ATP8A2: variants seen among roughly 807,000 people sequenced by gnomAD.
ATP8A2 encodes ATPase phospholipid transporting 8A2, also known as phospholipid-transporting ATPase IB.
A neutral mutation model predicts 165.6 loss-of-function variants in ATP8A2; 100 were observed. That is an observed-to-expected ratio of 0.60 (90% CI 0.51 to 0.71). The LOEUF (loss-of-function observed/expected upper bound fraction) is 0.71. ATP8A2 is among the 30% of genes least tolerant of loss of function. The pLI is 0.00. For synonymous variants in ATP8A2, 543 were observed against 548.8 expected (o/e 0.99, Z 0.15); for missense variants, 1,227 against 1,479.5 (o/e 0.83, Z 2.80).
chr13:25,972,334 A>C (rs895369717), intron 35 of ATP8A2, among the ~76,000 whole-genome samples: 3 of 152,246 alleles, frequency 2.0e-5, no homozygotes, highest in African/African-American at 7.2e-5. Context: ...TCCAAAATCA[A>C]CCTGTGGAAT....
chr13:25,708,780 A>C (rs1406894155), intron 25 of ATP8A2, among the ~76,000 whole-genome samples: 1 of 152,106 alleles, frequency 6.6e-6, no homozygotes, highest in African/African-American at 2.4e-5. Context: ...ACAAATGACA[A>C]AGAGGAATGT....
At chr13:25,903,301 C>A (rs75508005) in intron 33 of ATP8A2, among the ~76,000 whole-genome samples, 1 of 152,048 alleles carries the variant, frequency 6.6e-6, no homozygotes, top group Admixed American at 6.6e-5. Context: ...GCATTTGAAT[C>A]TTTCCTTTCC....
intron 1 of ATP8A2, among the ~76,000 whole-genome samples, chr13:25,413,941 G>A (rs559996174): frequency 9.3e-4 from 141 of 151,912 alleles, no homozygotes; most frequent in African/African-American, 3.3e-3. Context: ...TCAATAGTTG[G>A]TGGCTCTTTT....
chr13:25,746,438 T>A (rs2044033041), intron 25 of ATP8A2, among the ~76,000 whole-genome samples: 1 of 152,238 alleles, frequency 6.6e-6, no homozygotes. Context: ...TGAAGCTGAT[T>A]AAAGAATTTG....
At chr13:25,525,907 T>TAAAA (rs1459887944) in intron 2 of ATP8A2, among the ~76,000 whole-genome samples, 1 of 152,166 alleles carries the variant, frequency 6.6e-6, no homozygotes, top group Non-Finnish European at 1.5e-5. Context: ...TCCTTGCTCT[T>TAAAA]GTTTAACTCC....
chr13:25,480,564 C>T (rs1392900163), intron 2 of ATP8A2, among the ~76,000 whole-genome samples: 6 of 149,908 alleles, frequency 4.0e-5, no homozygotes, highest in South Asian at 2.1e-4. Flanking sequence ...GATGGGCGGC[C>T]GGGCAGAGAC....
At chr13:25,984,070 C>G (rs1015667519) in intron 35 of ATP8A2, among the ~76,000 whole-genome samples, 1 of 151,680 alleles carries the variant, frequency 6.6e-6, no homozygotes, top group Non-Finnish European at 1.5e-5. Flanking sequence ...CCCGTCACTA[C>G]AAAAGTTTTA....
chr13:25,725,991 G>A (rs554984511), intron 25 of ATP8A2, among the ~76,000 whole-genome samples: 1 of 152,292 alleles, frequency 6.6e-6, no homozygotes, highest in South Asian at 2.1e-4. Flanking sequence ...AGAAAGGATA[G>A]GTAACTCAAA....
rs574706909 is a variant in ATP8A2, at chr13:25,437,547, T to A, written c.77-31430T>A. ...AAGTCAGTTTTCAAAGCTTTTGAAG[T>A]TGTGTTAGGTTCAGGAAATCAGTGT... On this transcript the variant is annotated intron_variant, in intron 1 of 36. Coordinates refer to ENST00000381655, the MANE Select transcript of ATP8A2 (RefSeq NM_016529.6). Among the ~76,000 whole-genome samples the A allele has an allele frequency of 1.4e-4, 21 of 152,350 alleles. No individual in the cohort carries two copies. The East Asian group carries it at 1.7e-3, about 13-fold the overall frequency.
At chr13:25,568,842 A>G (rs2039390680) in intron 16 of ATP8A2, among the ~76,000 whole-genome samples, 2 of 152,212 alleles carry the variant, frequency 1.3e-5, no homozygotes, top group Non-Finnish European at 2.9e-5. Context: ...CATGAATATA[A>G]GCATCCATAG....
chr13:25,539,277 T>C (rs1164994239), intron 7 of ATP8A2, among the ~76,000 whole-genome samples: 2 of 152,050 alleles, frequency 1.3e-5, no homozygotes, highest in African/African-American at 4.8e-5. Flanking sequence ...TTAAAAATTT[T>C]TTTGTAGAGG....
chr13:25,977,043 C>CCCCACCCCCACCCCCACT (rs1956062243), intron 35 of ATP8A2, among the ~76,000 whole-genome samples: 1 of 144,166 alleles, frequency 6.9e-6, no homozygotes. Flanking sequence ...CCACCCCCAC[C>CCCCACCCCCACCCCCACT]CCCCTTCCCT....
chr13:25,435,600 A>T (rs1281836273), intron 1 of ATP8A2, among the ~76,000 whole-genome samples: 1 of 152,138 alleles, frequency 6.6e-6, no homozygotes, highest in Non-Finnish European at 1.5e-5. Context: ...AATTGATGGC[A>T]TAAGTTACTT....
In ATP8A2 at chr13:25,638,943, G is replaced by A. The variant is rs978928923; in HGVS notation, c.2211+49244G>A. Among the ~76,000 whole-genome samples the A allele has an allele frequency of 5.3e-5, 8 of 152,278 alleles. No individual in the cohort carries two copies. The South Asian group carries it at 1.0e-3, about 20-fold the overall frequency. ...CTCTACAAGCCAGAAGAGAGTGGGG[G>A]CCAATATTCAACATTCTTAAAGAAA... On this transcript the variant is annotated intron_variant, in intron 24 of 36. Transcript: ENST00000381655.
chr13:25,927,764 A>G (rs943173254), intron 33 of ATP8A2, among the ~76,000 whole-genome samples: 1 of 152,260 alleles, frequency 6.6e-6, no homozygotes, highest in African/African-American at 2.4e-5. Flanking sequence ...GTTCACTCAT[A>G]TAACAAGGTG....
At position 25,431,575 on chromosome 13, in the gene ATP8A2, T is replaced by C. The variant is rs150155364; in HGVS notation, c.77-37402T>C. ...TTCCCCTGAGCTCTGGAAAACAATT[T>C]GAGATTATCCAATTCTAGCACTAGC... On this transcript the variant is annotated intron_variant, in intron 1 of 36. Transcript: ENST00000381655. Among the ~76,000 whole-genome samples, 88 of 152,344 alleles carry C rather than the reference T, an allele frequency of 5.8e-4. 2 individuals are homozygous for C. The highest frequency in any genetic ancestry group is 2.1e-3 in the African/African-American group (87 of 41,588).
intron 1 of ATP8A2, among the ~76,000 whole-genome samples, chr13:25,437,147 G>A (rs757500555): frequency 1.7e-4 from 26 of 151,980 alleles, no homozygotes; most frequent in Admixed American, 8.5e-4. Flanking sequence ...TTTGATTTGC[G>A]TTTCTCTGAT....
intron 33 of ATP8A2, among the ~76,000 whole-genome samples, chr13:25,947,721 T>A (rs1181719309): frequency 6.6e-6 from 1 of 152,194 alleles, no homozygotes; most frequent in Non-Finnish European, 1.5e-5. Context: ...AATCACCCTC[T>A]TCTTCCTGGG....
intron 1 of ATP8A2, among the ~76,000 whole-genome samples, chr13:25,397,496 C>T (rs2033468606): frequency 6.6e-6 from 1 of 152,106 alleles, no homozygotes; most frequent in Non-Finnish European, 1.5e-5. Context: ...CACCTTGACT[C>T]AGTGCACAGT....
Sources: allele counts gnomAD v4.1 joint callset (sites outside exome capture counted in the v4.1 genomes callset), GRCh38; gene constraint gnomAD v4.1.1; transcripts MANE v1.5; gene names NCBI Gene and HGNC (gene_info 2026-07-23, HGNC 2026-07-21).